Variants in CBL observed in about 807,000 individuals in gnomAD.
The protein encoded by CBL is E3 ubiquitin-protein ligase CBL.
CBL carries 45 observed loss-of-function variants against 96.9 expected under a neutral mutation model. That is an observed-to-expected ratio of 0.46 (90% CI 0.37 to 0.60). CBL has a LOEUF of 0.60. Ranked by LOEUF, CBL falls within the 20% of genes least tolerant of loss-of-function variation. CBL has a pLI of 0.00. For missense variants in CBL, 1,024 were observed against 1,143.5 expected, an observed-to-expected ratio of 0.90 and a Z score of 1.51; for synonymous variants, 420 against 426.8, an observed-to-expected ratio of 0.98 and a Z score of 0.20.
At chr11:119,235,520 TGAG>T (rs1949538751) in intron 2 of CBL, among the ~76,000 whole-genome samples, 1 of 152,114 alleles carries the variant, frequency 6.6e-6, no homozygotes, top group Admixed American at 6.6e-5. Context: ...TTGAATAGGC[TGAG>T]GAGGAGGAGT....
intron 2 of CBL, among the ~76,000 whole-genome samples, chr11:119,268,334 A>G (rs1565869457): frequency 2.0e-5 from 3 of 152,200 alleles, no homozygotes; most frequent in Non-Finnish European, 4.4e-5. Flanking sequence ...AGAAGGTAGG[A>G]ATGACCACAG....
In CBL at chr11:119,271,803, G is replaced by A. The variant is rs1565870426; in HGVS notation, c.512G>A (p.Ser171Asn). ...MLAELKGIFPSGLFQGDTFRI... is the reference protein window; with the variant it reads ...MLAELKGIFPNGLFQGDTFRI... ...GCAGAACTAAAAGGAATCTTTCCAA[G>A]TGGACTCTTTCAGGGAGACACATTT... is the stretch of plus-strand genomic sequence containing the variant. The change falls in exon 3 of 16, where the codon AGT (serine) becomes AAT (asparagine). Residue 171 changes from serine to asparagine, a missense_variant. Physicochemically the swap from Ser to Asn is conservative, Grantham distance 46. Transcript: ENST00000264033. 1.9e-6 allele frequency: 3 copies of A among 1,613,928 alleles called. No individual in the cohort carries two copies. The highest frequency in any genetic ancestry group is 1.7e-5 in the Admixed American group (1 of 60,006).
chr11:119,275,306 C>T (rs893427639), intron 5 of CBL, among the ~76,000 whole-genome samples: 3 of 151,766 alleles, frequency 2.0e-5, no homozygotes, highest in South Asian at 2.1e-4. Context: ...AGGTGTGGTG[C>T]GGGTGCCTGT....
chr11:119,220,854 G>A (rs1318207524), intron 1 of CBL, among the ~76,000 whole-genome samples: 2 of 151,976 alleles, frequency 1.3e-5, no homozygotes, highest in Admixed American at 6.6e-5. Flanking sequence ...TACAAGTAAG[G>A]CGTTTTTCAA....
At chr11:119,253,620 C>T (rs975607398) in intron 2 of CBL, among the ~76,000 whole-genome samples, 11 of 59,698 alleles carry the variant, frequency 1.8e-4, no homozygotes, top group African/African-American at 2.6e-4. Flanking sequence ...GAACCAAGAT[C>T]GTACCATTGC....
At chr11:119,222,725 T>A (rs972459764) in intron 1 of CBL, among the ~76,000 whole-genome samples, 1 of 151,704 alleles carries the variant, frequency 6.6e-6, no homozygotes, top group Admixed American at 6.6e-5. Flanking sequence ...CAGTTTAAAA[T>A]TCACTAAATA....
rs1950094396 is a variant in CBL at position 119,300,540 on chromosome 11, A to G, written c.*759A>G. 1 of 399,962 alleles carries G rather than the reference A, an allele frequency of 2.5e-6. No homozygotes were observed. Among genetic ancestry groups the G allele is most frequent in the Non-Finnish European group, 4.4e-6 (1 of 226,728 alleles). 24.8% of individuals were successfully genotyped at this position (399,962 alleles called of 1,614,324 possible). On this transcript the variant is annotated 3_prime_UTR_variant, in exon 16 of 16. Coordinates refer to ENST00000264033, the MANE Select transcript of CBL (RefSeq NM_005188.4). ...GTTTGTTTGGTAGATAAGTGGGAGG[A>G]AAAGTACTGTTGCTACACTATTATA...
chr11:119,238,312 C>T (rs1949560438), intron 2 of CBL, among the ~76,000 whole-genome samples: 1 of 151,716 alleles, frequency 6.6e-6, no homozygotes. Flanking sequence ...CGGGTTCAAG[C>T]GATTCTCCTG....
At chr11:119,283,628 T>TC (rs1949955850) in intron 9 of CBL, among the ~76,000 whole-genome samples, 3 of 41,894 alleles carry the variant, frequency 7.2e-5, no homozygotes, top group African/African-American at 5.6e-4. Context: ...ATTCTTTCTT[T>TC]TTTTTTTTTT....
chr11:119,233,206 A>G (rs746690784), intron 2 of CBL, among the ~76,000 whole-genome samples: 4 of 152,204 alleles, frequency 2.6e-5, no homozygotes, highest in Non-Finnish European at 4.4e-5. Flanking sequence ...AATGCAGTTA[A>G]TTCAATAAAT....
In CBL at chr11:119,297,723, T is replaced by G. The variant is rs185719910; in HGVS notation, c.2251+242T>G. Among the ~76,000 whole-genome samples the G allele has an allele frequency of 1.4e-4, 22 of 152,310 alleles. No individual in the cohort carries two copies. In the East Asian group the frequency reaches 2.1e-3, roughly 15 times the overall value. On this transcript the variant is annotated intron_variant, in intron 14 of 15. Coordinates refer to ENST00000264033, the MANE Select transcript of CBL (RefSeq NM_005188.4). ...TCCACCCCTCCCAAAGTGCTGAGAT[T>G]ACAGGCGTGAGCCACCACGCCCAGA...
chr11:119,269,385 T>G (rs1378982314), intron 2 of CBL, among the ~76,000 whole-genome samples: 1 of 151,736 alleles, frequency 6.6e-6, no homozygotes, highest in Non-Finnish European at 1.5e-5. Context: ...CATGCCCGCC[T>G]AATTTTTGTA....
At chr11:119,281,447 A>G (rs1212965396) in intron 9 of CBL, among the ~76,000 whole-genome samples, 1 of 151,176 alleles carries the variant, frequency 6.6e-6, no homozygotes, top group African/African-American at 2.4e-5. Flanking sequence ...CTAGCTTCTA[A>G]TGTATTTTTG....
At chr11:119,283,554 T>G (rs1949954219) in intron 9 of CBL, among the ~76,000 whole-genome samples, 1 of 151,996 alleles carries the variant, frequency 6.6e-6, no homozygotes, top group Non-Finnish European at 1.5e-5. Flanking sequence ...ATATGTGTTC[T>G]TTCTTCTAAT....
intron 2 of CBL, among the ~76,000 whole-genome samples, chr11:119,262,486 G>A (rs996759452): frequency 1.4e-4 from 22 of 152,176 alleles, no homozygotes; most frequent in African/African-American, 5.3e-4. Flanking sequence ...ACTGAAACTG[G>A]ATTTGGGTTT....
At chr11:119,244,794 G>T (rs1028556406) in intron 2 of CBL, among the ~76,000 whole-genome samples, 2 of 151,390 alleles carry the variant, frequency 1.3e-5, no homozygotes, top group Admixed American at 1.3e-4. Context: ...CAAGCAATCC[G>T]CCCCACCTTA....
intron 1 of CBL, among the ~76,000 whole-genome samples, chr11:119,225,545 T>C (rs1234653518): frequency 6.6e-6 from 1 of 151,968 alleles, no homozygotes; most frequent in Non-Finnish European, 1.5e-5. Context: ...ACTACAGGCA[T>C]GTGCACCACA....
chr11:119,246,153 G>C (rs1225080607), intron 2 of CBL, among the ~76,000 whole-genome samples: 1 of 151,136 alleles, frequency 6.6e-6, no homozygotes, highest in Non-Finnish European at 1.5e-5. Context: ...TTTTGTACTT[G>C]TAGTAGAGAC....
At position 119,297,427 on chromosome 11, in the gene CBL, G is replaced by A. The variant is rs1950071753; in HGVS notation, c.2197G>A (p.Ala733Thr). ...DQQIDSCTYE[A>T]MYNIQSQAPS... ...GCAGATTGATAGCTGTACGTATGAA[G>A]CAATGTATAATATTCAGTCCCAGGC... The change falls in exon 14 of 16, where the codon GCA becomes ACA. Residue 733 changes from alanine to threonine, a missense_variant. By Grantham distance (58) the Ala-to-Thr change is moderately conservative (BLOSUM62 0). Around this residue, in one of 4 missense-constraint regions of CBL, gnomAD observed 695 missense variants for 661.6 expected, o/e 1.05. Transcript: ENST00000264033. 4 of 1,613,754 alleles carry A rather than the reference G, an allele frequency of 2.5e-6. No homozygotes were observed. The highest frequency in any genetic ancestry group is 1.7e-5 in the Admixed American group (1 of 59,996).
Sources: gnomAD v4.1 joint callset for allele counts (sites outside exome capture counted in the v4.1 genomes callset) on GRCh38, gnomAD v4.1.1 for gene constraint, gnomAD v4.1.1 regional missense constraint, MANE v1.5 for transcripts, NCBI Gene and HGNC (gene_info 2026-07-23, HGNC 2026-07-21) for gene names.